Variants in NTRK2 observed in about 807,000 individuals in gnomAD.
NTRK2 encodes the protein BDNF/NT-3 growth factors receptor.
Under a neutral mutation model 94.5 loss-of-function variants are expected in NTRK2, and 13 were observed. The ratio of observed to expected loss-of-function variants is 0.14; its 90% CI spans 0.09 to 0.22. The LOEUF is 0.22. Ranked by LOEUF, NTRK2 falls within the 10% of genes least tolerant of loss-of-function variation. The pLI is 1.00. For missense variants in NTRK2, 639 were observed against 1,071.2 expected (o/e 0.60, Z 5.63); for synonymous variants, 372 against 407.4 (o/e 0.91, Z 1.05).
rs2118139949 is a variant in NTRK2, at chr9:85,026,601, C to T, written c.*5164C>T. ...ATGACCAAATTATGGTGAACTATTG[C>T]TCCCTGCGTTCTTTGATCATTACCT... On this transcript the variant is annotated 3_prime_UTR_variant, in exon 19 of 19. Transcript: ENST00000277120. The T allele has an allele frequency of 4.3e-6, 1 of 232,918 alleles. No homozygotes were observed. Among genetic ancestry groups the T allele is most frequent in the Non-Finnish European group, 8.5e-6 (1 of 117,866 alleles). The allele number at this position is 232,918 out of a possible 1,614,324, so 14.4% of individuals were successfully genotyped here.
chr9:84,810,624 G>A, intron 12 of NTRK2: 1 of 1,613,626 alleles, frequency 6.2e-7, no homozygotes, highest in Non-Finnish European at 8.5e-7. Context: ...GGTGCTTGTT[G>A]GTTGATGCTG....
intron 12 of NTRK2, among the ~76,000 whole-genome samples, chr9:84,759,442 T>A (rs1028931243): frequency 6.6e-6 from 1 of 152,264 alleles, no homozygotes; most frequent in Non-Finnish European, 1.5e-5. Context: ...TTTTAATTGC[T>A]GGTTTTACCT....
chr9:84,981,597 T>C (rs1827627715), intron 17 of NTRK2, among the ~76,000 whole-genome samples: 1 of 152,202 alleles, frequency 6.6e-6, no homozygotes, highest in South Asian at 2.1e-4. Context: ...TTATAATAAC[T>C]GAAAGCTGAT....
At chr9:84,735,818 A>G (rs898085924) in intron 9 of NTRK2, among the ~76,000 whole-genome samples, 5 of 152,226 alleles carry the variant, frequency 3.3e-5, no homozygotes, top group African/African-American at 1.2e-4. Flanking sequence ...TCAATCCTCC[A>G]TATAAAAATC....
intron 4 of NTRK2, among the ~76,000 whole-genome samples, chr9:84,705,182 C>G (rs984152940): frequency 3.9e-5 from 6 of 152,050 alleles, no homozygotes; most frequent in African/African-American, 1.4e-4. Context: ...GATCCTCTCT[C>G]TCACTTTCAC....
At chr9:84,986,191 C>A (rs2133271952) in intron 17 of NTRK2, among the ~76,000 whole-genome samples, 1 of 152,220 alleles carries the variant, frequency 6.6e-6, no homozygotes, top group Non-Finnish European at 1.5e-5. Context: ...TTTCAACACT[C>A]CCGCTGCCCC....
chr9:84,840,265 CT>C (rs1158579395), intron 12 of NTRK2, among the ~76,000 whole-genome samples: 16,006 of 101,860 alleles, frequency 0.16, 1,026 homozygotes, highest in East Asian at 0.3. Flanking sequence ...ATTGACAATT[CT>C]TTTTTTTTTT....
intron 12 of NTRK2, among the ~76,000 whole-genome samples, chr9:84,846,397 A>G (rs554780979): frequency 2.0e-4 from 31 of 152,228 alleles, no homozygotes; most frequent in Non-Finnish European, 3.2e-4. Flanking sequence ...AACAAGTGGA[A>G]ATTTAATTTT....
intron 14 of NTRK2, among the ~76,000 whole-genome samples, chr9:84,925,641 A>G (rs916661433): frequency 3.3e-5 from 5 of 152,248 alleles, no homozygotes; most frequent in Admixed American, 6.5e-5. Flanking sequence ...ACCTCCCACA[A>G]GAGTCTTGCT....
intron 17 of NTRK2, among the ~76,000 whole-genome samples, chr9:84,975,883 G>C (rs1483937501): frequency 1.3e-5 from 2 of 151,342 alleles, no homozygotes; most frequent in Non-Finnish European, 2.9e-5. Flanking sequence ...GTGTAGATAC[G>C]TTTTAGGGAA....
chr9:84,820,486 C>T (rs528031170), intron 12 of NTRK2, among the ~76,000 whole-genome samples: 41 of 152,152 alleles, frequency 2.7e-4, no homozygotes, highest in African/African-American at 9.9e-4. Context: ...TTACTTTTGA[C>T]CAGAAGTCTT....
At chr9:84,730,617 G>A (rs989793785) in intron 9 of NTRK2, among the ~76,000 whole-genome samples, 1 of 140,372 alleles carries the variant, frequency 7.1e-6, no homozygotes, top group African/African-American at 2.9e-5. Flanking sequence ...GCGGGCGCCT[G>A]TAGTCCCAGC....
At chr9:84,927,047 G>A (rs376965684) in intron 14 of NTRK2, among the ~76,000 whole-genome samples, 33 of 152,178 alleles carry the variant, frequency 2.2e-4, no homozygotes, top group Admixed American at 2.2e-3. Context: ...TTGTAAAATC[G>A]ATTTGAAACA....
intron 12 of NTRK2, among the ~76,000 whole-genome samples, chr9:84,820,552 G>T (rs570196829): frequency 9.9e-4 from 150 of 152,154 alleles, no homozygotes; most frequent in African/African-American, 3.5e-3. Flanking sequence ...TGTATTTTAC[G>T]CATTCATGAC....
intron 14 of NTRK2, among the ~76,000 whole-genome samples, chr9:84,869,558 T>G (rs1317269052): frequency 6.6e-6 from 1 of 152,178 alleles, no homozygotes; most frequent in African/African-American, 2.4e-5. Context: ...ATTTTTTATC[T>G]CATAATTTTT....
chr9:84,833,067 T>A (rs1378467768), intron 12 of NTRK2, among the ~76,000 whole-genome samples: 2 of 119,622 alleles, frequency 1.7e-5, no homozygotes, highest in African/African-American at 3.3e-5. Context: ...ATCATCCAGT[T>A]AAAGGTGCAT....
chr9:84,669,125 TG>T (rs560412824), upstream of NTRK2, among the ~76,000 whole-genome samples: 54 of 152,200 alleles, frequency 3.5e-4, no homozygotes, highest in South Asian at 2.7e-3. The surrounding 1 kb of genome is among the most constrained non-coding windows in gnomAD (Gnocchi z 4.1). Flanking sequence ...CCCAAATAGG[TG>T]GCCCGGAATG....
At chr9:84,844,960 T>A (rs1587643926) in intron 12 of NTRK2, among the ~76,000 whole-genome samples, 1 of 151,940 alleles carries the variant, frequency 6.6e-6, no homozygotes, top group East Asian at 1.9e-4. Flanking sequence ...AAACAATAGA[T>A]GTTGGTGTGG....
At chr9:84,745,407 T>C (rs2132387284) in intron 11 of NTRK2, among the ~76,000 whole-genome samples, 1 of 152,306 alleles carries the variant, frequency 6.6e-6, no homozygotes, top group East Asian at 1.9e-4. Flanking sequence ...ATTTTTAATA[T>C]AATTTTGACT....
Sources: allele counts gnomAD v4.1 joint callset (sites outside exome capture counted in the v4.1 genomes callset), GRCh38; gene constraint gnomAD v4.1.1; non-coding constraint Gnocchi (gnomAD v3.1); transcripts MANE v1.5; gene names NCBI Gene and HGNC (gene_info 2026-07-23, HGNC 2026-07-21).